Variants in MDN1 observed in about 807,000 individuals in gnomAD.
MDN1 encodes midasin.
MDN1 carries 266 observed loss-of-function variants against 669.2 expected under a neutral mutation model. The ratio of observed to expected loss-of-function variants is 0.40; its 90% CI spans 0.36 to 0.44. The LOEUF (loss-of-function observed/expected upper bound fraction) is 0.44, where lower values mean the gene tolerates loss of function less well. Among genes scored for constraint, MDN1 ranks in the 20% least tolerant of loss-of-function variants. MDN1 has a pLI of 1.00. For synonymous variants in MDN1, 2,385 were observed against 2,457.1 expected (o/e 0.97, Z 0.87); for missense variants, 5,940 against 6,754.0 (o/e 0.88, Z 4.22).
intron 17 of MDN1, 151 bp from the exon 18 acceptor site, chr6:89,759,111 G>A: frequency 1.4e-6 from 1 of 715,954 alleles, no homozygotes. Flanking sequence ...CAGATAGGCA[G>A]AGTTAAGGCC....
chr6:89,669,404 T>C, intron 83 of MDN1, among the ~76,000 whole-genome samples: 1 of 152,192 alleles, frequency 6.6e-6, no homozygotes, highest in Non-Finnish European at 1.5e-5. Context: ...ATTATTATTA[T>C]TACTGTTACT....
In MDN1 at chr6:89,650,773, C is replaced by T; in HGVS notation, c.15990G>A (p.Glu5330=). The T allele has an allele frequency of 6.2e-7, 1 of 1,614,122 alleles. No individual in the cohort carries two copies. The stretch of plus-strand genomic sequence containing the variant: ...GGGTAGGCTCTAATATGAGACGAAG[C>T]TCTTCACATAACCGTTGTGAAAGAG... The part of the protein sequence containing the change: ...TAPLSQRLCE[E]LRLILEPTQA... The change falls in exon 96 of 102, where the codon GAG becomes GAA. Residue 5330 remains glutamate (E), a synonymous_variant. Transcript: ENST00000369393.
intron 76 of MDN1, among the ~76,000 whole-genome samples, chr6:89,676,541 G>A (rs1811203761): frequency 6.6e-6 from 1 of 152,170 alleles, no homozygotes; most frequent in Non-Finnish European, 1.5e-5. Context: ...ATACAATGAT[G>A]CATGGCAGTG....
intron 59 of MDN1, among the ~76,000 whole-genome samples, chr6:89,697,414 G>A (rs1562105139): frequency 2.6e-5 from 4 of 152,030 alleles, no homozygotes; most frequent in Non-Finnish European, 5.9e-5. Context: ...TAAGTAGAAG[G>A]GACTGGCATA....
chr6:89,725,457 C>T, intron 37 of MDN1, 61 bp from the exon 38 acceptor site: 2 of 1,378,158 alleles, frequency 1.5e-6, no homozygotes, highest in Non-Finnish European at 1.0e-6. Context: ...CAACAAAAAG[C>T]AGGGGAATAA....
At chr6:89,701,233 T>C (rs370430225) in intron 55 of MDN1, among the ~76,000 whole-genome samples, 8 of 152,380 alleles carry the variant, frequency 5.3e-5, no homozygotes, top group Admixed American at 3.3e-4. Flanking sequence ...TATCTTGTCA[T>C]TATTACCTAA....
In MDN1 at chr6:89,708,483, A is replaced by T. The variant is rs1210274644; in HGVS notation, c.7898+13T>A. 1 of 1,613,750 alleles carries T rather than the reference A, an allele frequency of 6.2e-7. No homozygotes were observed. On this transcript the variant is annotated intron_variant, in intron 51 of 101. Coordinates refer to ENST00000369393, the MANE Select transcript of MDN1 (RefSeq NM_014611.3). Reference sequence around the variant, plus strand: ...TGAGGCAAACAGTGCCCAGAGCAGCAGGTTTCACTTACTTGTTTGCAGCTG... The same window carrying T: ...TGAGGCAAACAGTGCCCAGAGCAGCTGGTTTCACTTACTTGTTTGCAGCTG...
chr6:89,792,357 G>A (rs1287457176), intron 5 of MDN1, among the ~76,000 whole-genome samples: 1 of 152,106 alleles, frequency 6.6e-6, no homozygotes, highest in Non-Finnish European at 1.5e-5. Flanking sequence ...AATTTAGCAG[G>A]CAGGCTGCAC....
At position 89,674,483 on chromosome 6, in the gene MDN1, G is replaced by A. The variant is rs1330916576; in HGVS notation, c.12868C>T (p.Leu4290=). The A allele has an allele frequency of 6.2e-7, 1 of 1,613,072 alleles. No individual in the cohort carries two copies. Among genetic ancestry groups the A allele is most frequent in the East Asian group, 2.2e-5 (1 of 44,874 alleles). Residue 4290 remains leucine (L), a synonymous_variant, in exon 79 of 102, where the codon CTG becomes TTG. Transcript: ENST00000369393. ...TGGCACTGCATGGCCAGGTGCTGCA[G>A]GCGCTCTGTCCACTGCTGCACGCCA... ...QDGVQQWTER[L]QHLAMQCQIL...
chr6:89,803,564 G>GC lies in MDN1; in HGVS notation c.103-11dup, dbSNP rs1562236722. 6.3e-7 allele frequency: 1 copy of GC among 1,577,268 alleles called. No individual in the cohort carries two copies. Among genetic ancestry groups the GC allele is most frequent in the East Asian group, 2.2e-5 (1 of 44,630 alleles). On this transcript the variant is annotated splice_polypyrimidine_tract_variant and intron_variant, in intron 1 of 101. Transcript: ENST00000369393. ...CTTGAGGTGTCCACACCTGAGAAAG[G>GC]CAAAACAAAACATCTTTCACTTTTT...
intron 27 of MDN1, 86 bp downstream of exon 27, chr6:89,747,243 A>G (rs1816682653): frequency 6.8e-7 from 1 of 1,479,898 alleles, no homozygotes; most frequent in Non-Finnish European, 9.2e-7. Flanking sequence ...GTATGTATCA[A>G]TCACAATTTG....
Position 89,695,532 on chromosome 6 carries a change from A to C in MDN1, c.9771+73T>G. On this transcript the variant is annotated intron_variant, in intron 61 of 101. Transcript: ENST00000369393. The surrounding 1 kb of genome is among the most constrained non-coding windows in gnomAD (Gnocchi z 4.1). The stretch of plus-strand genomic sequence containing the variant: ...TGATCTGAGCACCCAAAAGGGAATA[A>C]AAGGAGTAATACAATAAGCAAACCC... 1 of 1,504,968 alleles carries C rather than the reference A, an allele frequency of 6.6e-7. No individual in the cohort carries two copies. Among genetic ancestry groups the C allele is most frequent in the Non-Finnish European group, 8.9e-7 (1 of 1,121,274 alleles). The allele number at this position is 1,504,968 out of a possible 1,614,324, so 93.2% of individuals were successfully genotyped here.
At position 89,667,952 on chromosome 6, in the gene MDN1, C is replaced by T. The variant is rs1384666004; in HGVS notation, c.14094+62G>A. The T allele has an allele frequency of 3.8e-6, 6 of 1,581,230 alleles. No individual in the cohort carries two copies. In the African/African-American group the frequency reaches 8.1e-5, roughly 21 times the overall value. ...TAGTAAAAACCATTTTTATGTGTAA[C>T]TTACATGTTGAAAAGAAAGAGAGTG... On this transcript the variant is annotated intron_variant, in intron 84 of 101. Transcript: ENST00000369393.
Position 89,696,381 on chromosome 6 carries a change from A to C in MDN1, c.9362T>G (p.Ile3121Ser). 2 of 1,614,106 alleles carry C rather than the reference A, an allele frequency of 1.2e-6. No individual in the cohort carries two copies. The highest frequency in any genetic ancestry group is 1.7e-6 in the Non-Finnish European group (2 of 1,180,014). ...ATACCTGAATTCTGCTACTGAAGAG[A>C]TAGCCATGTTAGTCCAAAGCATCGA... ...ISSMLWTNMA[I>S]SSVAEFRRTD... Residue 3121 changes from isoleucine to serine, a missense_variant, in exon 60 of 102, where the codon ATC becomes AGC. Coordinates refer to ENST00000369393, the MANE Select transcript of MDN1 (RefSeq NM_014611.3).
At chr6:89,711,397 T>G (rs1017559532) in intron 49 of MDN1, among the ~76,000 whole-genome samples, 5 of 152,252 alleles carry the variant, frequency 3.3e-5, no homozygotes, top group African/African-American at 9.6e-5. Context: ...AACAACGTAC[T>G]ACAACAACTA....
Position 89,803,873 on chromosome 6 carries a change from G to A in MDN1, c.103-319C>T, listed in dbSNP as rs574647915. On this transcript the variant is annotated intron_variant, in intron 1 of 101. Transcript: ENST00000369393. ...TGAGATTACAGGCGTGAGCCACCGCGCCCGGCCTTTTCTTTTCTTTTCTTT... is the reference window on the plus strand; with the variant it reads ...TGAGATTACAGGCGTGAGCCACCGCACCCGGCCTTTTCTTTTCTTTTCTTT... 6.9e-5 allele frequency among the ~76,000 whole-genome samples: 10 copies of A among 144,922 alleles called. No homozygotes were observed. In the South Asian group the frequency reaches 1.1e-3, roughly 16 times the overall value.
At position 89,723,065 on chromosome 6, in the gene MDN1, G is replaced by A. The variant is rs553997812; in HGVS notation, c.5857C>T (p.Arg1953Cys). The change falls in exon 40 of 102, where the codon CGC becomes TGC. Residue 1953 changes from arginine (R) to cysteine (C), a missense_variant. Physicochemically the swap from Arg to Cys is radical, Grantham distance 180. This residue lies in a region of MDN1 where 2,292 missense variants were observed against 2,638.3 expected (regional missense o/e 0.87). Transcript: ENST00000369393. ...PWEFNLRDLF[R>C]WCQLMLVDQS... is the part of the protein sequence containing the mutation. ...TCAACCAGCATCAACTGACACCAGC[G>A]GAAAAGGTCCCGGAGGTTGAATTCC... The A allele has an allele frequency of 1.9e-5, 31 of 1,613,990 alleles. No homozygotes were observed. In the Admixed American group the frequency reaches 2.2e-4, roughly 11 times the overall value.
At chr6:89,796,663 G>A (rs1347536958) in intron 2 of MDN1, among the ~76,000 whole-genome samples, 1 of 152,182 alleles carries the variant, frequency 6.6e-6, no homozygotes, top group Non-Finnish European at 1.5e-5. Context: ...GGTACAGTGT[G>A]TATATGAGAA....
chr6:89,684,160 T>C (rs766141761), intron 71 of MDN1, among the ~76,000 whole-genome samples: 2 of 151,986 alleles, frequency 1.3e-5, no homozygotes, highest in Non-Finnish European at 2.9e-5. Context: ...CTGGCCAACA[T>C]GGTGAAACCC....
Sources: allele counts gnomAD v4.1 joint callset (sites outside exome capture counted in the v4.1 genomes callset), GRCh38; gene constraint gnomAD v4.1.1; regional missense constraint gnomAD v4.1.1; non-coding constraint Gnocchi (gnomAD v3.1); transcripts MANE v1.5; gene names NCBI Gene and HGNC (gene_info 2026-07-23, HGNC 2026-07-21).